Variants in PKD1L1 observed in about 807,000 individuals in gnomAD.
PKD1L1 encodes the protein polycystin-1-like protein 1.
PKD1L1 carries 236 observed loss-of-function variants against 323.4 expected under a neutral mutation model. The ratio of observed to expected loss-of-function variants is 0.73; its 90% CI spans 0.66 to 0.81. The LOEUF (loss-of-function observed/expected upper bound fraction) is 0.81. Ranked by LOEUF, PKD1L1 falls within the 40% of genes least tolerant of loss-of-function variation. The pLI is 0.00. For synonymous variants in PKD1L1, 1,344 were observed against 1,335.0 expected, an observed-to-expected ratio of 1.01 and a Z score of -0.15; for missense variants, 3,320 against 3,508.0, an observed-to-expected ratio of 0.95 and a Z score of 1.35.
chr7:47,817,328 T>C (rs897038486), intron 46 of PKD1L1, among the ~76,000 whole-genome samples: 8 of 152,174 alleles, frequency 5.3e-5, no homozygotes, highest in African/African-American at 1.7e-4. Context: ...TGTTCTCCAG[T>C]TATTAACTGT....
chr7:47,916,349 G>T (rs979470783), intron 7 of PKD1L1, among the ~76,000 whole-genome samples: 5 of 152,308 alleles, frequency 3.3e-5, no homozygotes, highest in Admixed American at 2.0e-4. Context: ...TCATTAAGTG[G>T]AACTTGGGTT....
intron 46 of PKD1L1, among the ~76,000 whole-genome samples, chr7:47,820,678 G>A (rs535777998): frequency 5.9e-4 from 90 of 152,042 alleles, no homozygotes; most frequent in Non-Finnish European, 1.0e-3. Flanking sequence ...AGTGAGCTGA[G>A]ATGGCGCCAT....
chr7:47,779,772 A>T (rs1435287450), intron 56 of PKD1L1, among the ~76,000 whole-genome samples: 1 of 152,178 alleles, frequency 6.6e-6, no homozygotes, highest in African/African-American at 2.4e-5. Flanking sequence ...GCAATTCGGG[A>T]TGTCCAAATA....
intron 31 of PKD1L1, among the ~76,000 whole-genome samples, chr7:47,851,273 A>G (rs1785777523): frequency 6.6e-6 from 1 of 152,228 alleles, no homozygotes; most frequent in South Asian, 2.1e-4. Flanking sequence ...GGTGTCCCAG[A>G]AAGTAAAGAA....
rs1006949860 is a variant in PKD1L1, at chr7:47,894,909, T to C, written c.2272-850A>G. ...AAAAAATACAGTCTAATACTTGCTA[T>C]TCTTTCACTGGGTCTCAGCCTTGAT... On this transcript the variant is annotated intron_variant, in intron 14 of 56. Transcript: ENST00000289672. Among the ~76,000 whole-genome samples, 9 of 152,000 alleles carry C rather than the reference T, an allele frequency of 5.9e-5. No individual in the cohort carries two copies. In the South Asian group the frequency reaches 6.2e-4, roughly 11 times the overall value.
At chr7:47,940,877 G>A (rs2128758407) in intron 2 of PKD1L1, among the ~76,000 whole-genome samples, 1 of 152,304 alleles carries the variant, frequency 6.6e-6, no homozygotes, top group South Asian at 2.1e-4. Context: ...GGGAGGCTGA[G>A]GGCCCTGCCA....
chr7:47,916,041 C>T lies in PKD1L1; in HGVS notation c.1061-442G>A, dbSNP rs143534301. On this transcript the variant is annotated intron_variant, in intron 7 of 56. Transcript: ENST00000289672. ...TTCTCCAAAATAGAATATATATTTCCGATGCTATTCAAACTGTTTCAGGAC... is the reference window on the plus strand; with the variant it reads ...TTCTCCAAAATAGAATATATATTTCTGATGCTATTCAAACTGTTTCAGGAC... Among the ~76,000 whole-genome samples, 1,373 of 152,170 alleles carry T rather than the reference C, an allele frequency of 9.0e-3. 21 individuals are homozygous for T. Among genetic ancestry groups the T allele is most frequent in the African/African-American group, 0.031 (1,286 of 41,516 alleles).
intron 52 of PKD1L1, among the ~76,000 whole-genome samples, chr7:47,804,790 T>C (rs1488081747): frequency 2.0e-5 from 3 of 152,160 alleles, no homozygotes; most frequent in Non-Finnish European, 2.9e-5. Flanking sequence ...CAGCACATTT[T>C]TAATTTTCAT....
intron 41 of PKD1L1, 59 bp from the exon 42 acceptor site, chr7:47,831,411 G>A (rs755063525): frequency 3.8e-5 from 59 of 1,556,008 alleles, no homozygotes; most frequent in South Asian, 2.9e-4. Context: ...CTCCATCCAC[G>A]CGGAGTGTGG....
chr7:47,894,152 C>T (rs948382637), intron 14 of PKD1L1, 93 bp from the exon 15 acceptor site: 41 of 1,215,080 alleles, frequency 3.4e-5, no homozygotes, highest in Middle Eastern at 2.0e-4. Flanking sequence ...GAAAGGAAGC[C>T]GACGAGTCTC....
intron 19 of PKD1L1, among the ~76,000 whole-genome samples, chr7:47,882,380 A>G (rs967254670): frequency 2.0e-5 from 3 of 150,716 alleles, no homozygotes; most frequent in Non-Finnish European, 4.4e-5. Context: ...TAGAAATAGG[A>G]GACACAGCGT....
At chr7:47,894,603 C>A (rs941758533) in intron 14 of PKD1L1, among the ~76,000 whole-genome samples, 4 of 152,174 alleles carry the variant, frequency 2.6e-5, no homozygotes, top group Non-Finnish European at 5.9e-5. Flanking sequence ...GTAATCCCAG[C>A]ACTTTGGGAG....
At chr7:47,826,632 C>T (rs1339245479) in intron 45 of PKD1L1, among the ~76,000 whole-genome samples, 2 of 152,134 alleles carry the variant, frequency 1.3e-5, no homozygotes, top group East Asian at 1.9e-4. Flanking sequence ...GGTAGGAGAC[C>T]GAATTCATGT....
chr7:47,827,447 C>T lies in PKD1L1; in HGVS notation c.6757G>A (p.Ala2253Thr), dbSNP rs779674568. ...VEKVLAARQQARHLRWAHPPS... is the reference protein window; with the variant it reads ...VEKVLAARQQTRHLRWAHPPS... The stretch of plus-strand genomic sequence containing the variant: ...GGATGCGCCCAGCGCAGGTGGCGAG[C>T]TTGTTGTCGGGCAGCCAAGACCTGT... The change falls in exon 45 of 57, where the codon GCT becomes ACT. Residue 2253 changes from alanine to threonine, a missense_variant. Ala to Thr is a moderately conservative substitution (Grantham distance 58). Transcript: ENST00000289672. The T allele has an allele frequency of 2.5e-6, 4 of 1,610,312 alleles. No homozygotes were observed. Among genetic ancestry groups the T allele is most frequent in the South Asian group, 2.2e-5 (2 of 90,602 alleles).
chr7:47,859,550 C>T (rs371261501), intron 26 of PKD1L1, among the ~76,000 whole-genome samples: 1 of 151,992 alleles, frequency 6.6e-6, no homozygotes, highest in East Asian at 1.9e-4. Flanking sequence ...ACAAGCATAG[C>T]TCCCTGCAGA....
At chr7:47,934,486 A>C (rs537635328) in intron 4 of PKD1L1, among the ~76,000 whole-genome samples, 1 of 152,284 alleles carries the variant, frequency 6.6e-6, no homozygotes, top group South Asian at 2.1e-4. Context: ...GCTGTTCCTA[A>C]TGTGACATAT....
intron 55 of PKD1L1, among the ~76,000 whole-genome samples, chr7:47,794,888 A>G (rs577754685): frequency 6.6e-6 from 1 of 152,282 alleles, no homozygotes; most frequent in East Asian, 1.9e-4. Flanking sequence ...TTGGACTGGT[A>G]TGGGGCCTGT....
the PKD1L1 span, among the ~76,000 whole-genome samples, chr7:47,959,623 C>T: frequency 2.7e-4 from 31 of 116,158 alleles, 3 homozygotes; most frequent in African/African-American, 6.5e-4. Flanking sequence ...CCCCTCCGCC[C>T]GGCAGCCACC....
In PKD1L1 at chr7:47,931,251, A is replaced by G; in HGVS notation, c.590T>C (p.Leu197Pro). 6.2e-7 allele frequency: 1 copy of G among 1,614,248 alleles called. No individual in the cohort carries two copies. The highest frequency in any genetic ancestry group is 8.5e-7 in the Non-Finnish European group (1 of 1,180,032). ...KMEASCCVLRLLCCAEDVATG... is the reference protein window; with the variant it reads ...KMEASCCVLRPLCCAEDVATG... ...GGCCACATCCTCCGCACAGCACAGCAGTCTCAGGACACAGCAGGAAGCCTC... is the reference window on the plus strand; with the variant it reads ...GGCCACATCCTCCGCACAGCACAGCGGTCTCAGGACACAGCAGGAAGCCTC... Residue 197 changes from leucine (L) to proline (P), a missense_variant, in exon 6 of 57, where the codon CTG (leucine) becomes CCG (proline). Leu to Pro is a moderately conservative substitution (Grantham distance 98, BLOSUM62 -3). Transcript: ENST00000289672.
Sources: gnomAD v4.1 joint callset for allele counts (sites outside exome capture counted in the v4.1 genomes callset) on GRCh38, gnomAD v4.1.1 for gene constraint, MANE v1.5 for transcripts, NCBI Gene and HGNC (gene_info 2026-07-23, HGNC 2026-07-21) for gene names.